Variants in GAB4 observed in about 807,000 individuals in gnomAD.
GAB4 encodes the protein GRB2 associated binding protein family member 4, also known as GRB2-associated-binding protein 4.
In GAB4, 26 loss-of-function variants were observed where a neutral mutation model predicts 51.3. The ratio of observed to expected loss-of-function variants is 0.51; its 90% CI spans 0.37 to 0.70. The LOEUF is 0.70. Ranked by LOEUF, GAB4 falls within the 30% of genes least tolerant of loss-of-function variation. The pLI is 0.00. For missense variants in GAB4, 759 were observed against 734.6 expected (o/e 1.03, Z -0.38); for synonymous variants, 329 against 291.2 (o/e 1.13, Z -1.32).
chr22:16,976,595 T>A (rs1336984391), intron 3 of GAB4, among the ~76,000 whole-genome samples: 1 of 152,124 alleles, frequency 6.6e-6, no homozygotes, highest in Admixed American at 6.5e-5. Context: ...AAAACACTCT[T>A]CAGGATATCA....
intron 3 of GAB4, among the ~76,000 whole-genome samples, chr22:16,975,999 C>T (rs77477331): frequency 1.3e-5 from 2 of 150,856 alleles, no homozygotes; most frequent in Non-Finnish European, 3.0e-5. Flanking sequence ...CAAAAAAAAA[C>T]ATCCACACAA....
At chr22:16,996,066 G>A (rs984097947) in intron 1 of GAB4, among the ~76,000 whole-genome samples, 15 of 151,884 alleles carry the variant, frequency 9.9e-5, no homozygotes, top group African/African-American at 3.6e-4. Context: ...CTTGATAAAT[G>A]GTTACAGGAA....
Position 16,963,818 on chromosome 22 carries a change from A to T in GAB4, c.1488T>A (p.Ser496=). ...TGGTGCCACCGGAAACAGGAAATGC[A>T]GATGCCGGGTTCTGCTGTCACAAGG... ...GERYLFPNPA[S]AFPVSGGTSS... is the part of the protein sequence containing the mutation. Residue 496 remains serine, a synonymous_variant, in exon 9 of 10, where the codon TCT becomes TCA. Transcript: ENST00000400588. 2 of 1,613,742 alleles carry T rather than the reference A, an allele frequency of 1.2e-6. No individual in the cohort carries two copies. The highest frequency in any genetic ancestry group is 2.2e-5 in the South Asian group (2 of 91,086).
At chr22:16,962,936 G>A (rs539472836) in intron 9 of GAB4, 60 bp from the exon 10 acceptor site, 22 of 1,531,552 alleles carry the variant, frequency 1.4e-5, no homozygotes, top group Non-Finnish European at 1.9e-5. Context: ...GTGAGGAAGG[G>A]CAGGCCAAGG....
intron 3 of GAB4, among the ~76,000 whole-genome samples, chr22:16,974,364 TA>T (rs1288028767): frequency 6.6e-6 from 1 of 152,230 alleles, no homozygotes; most frequent in Non-Finnish European, 1.5e-5. Flanking sequence ...AAACACATGT[TA>T]CCCCTGCATA....
At chr22:17,007,744 C>T (rs2123736008) in intron 1 of GAB4, among the ~76,000 whole-genome samples, 197 bp downstream of exon 1, 1 of 152,282 alleles carries the variant, frequency 6.6e-6, no homozygotes, top group South Asian at 2.1e-4. Context: ...GAATCAACTC[C>T]CTGGGTCTCG....
At chr22:17,006,270 G>A (rs961475480) in intron 1 of GAB4, among the ~76,000 whole-genome samples, 1 of 152,152 alleles carries the variant, frequency 6.6e-6, no homozygotes, top group Admixed American at 6.5e-5. Flanking sequence ...ATGAAAAAAT[G>A]CTCATCATCA....
chr22:16,993,100 A>G (rs2060926324), intron 1 of GAB4, among the ~76,000 whole-genome samples: 1 of 152,170 alleles, frequency 6.6e-6, no homozygotes, highest in Non-Finnish European at 1.5e-5. Flanking sequence ...AATTGAATGC[A>G]TTATTACATT....
At chr22:16,992,817 G>A (rs1381589361) in intron 1 of GAB4, among the ~76,000 whole-genome samples, 1 of 152,060 alleles carries the variant, frequency 6.6e-6, no homozygotes, top group Non-Finnish European at 1.5e-5. Context: ...TAATTCCTGA[G>A]CTTAGGTAAT....
intron 1 of GAB4, among the ~76,000 whole-genome samples, chr22:16,997,660 C>A (rs537647373): frequency 1.3e-5 from 2 of 152,200 alleles, no homozygotes; most frequent in Admixed American, 1.3e-4. Flanking sequence ...TCCCATTTGG[C>A]TATTTTGGCT....
intron 2 of GAB4, among the ~76,000 whole-genome samples, chr22:16,991,181 A>G (rs5748785): frequency 0.81 from 122,784 of 151,798 alleles, 50,349 homozygotes; most frequent in African/African-American, 0.95. Context: ...GCCTGGGTCC[A>G]CCACCCAAGA....
Position 16,963,818 on chromosome 22 carries a change from A to G in GAB4, c.1488T>C (p.Ser496=). The stretch of plus-strand genomic sequence containing the variant: ...TGGTGCCACCGGAAACAGGAAATGC[A>G]GATGCCGGGTTCTGCTGTCACAAGG... ...GERYLFPNPA[S]AFPVSGGTSS... is the part of the protein sequence containing the mutation. The change falls in exon 9 of 10, where the codon TCT becomes TCC. Residue 496 remains serine, a synonymous_variant. Coordinates refer to ENST00000400588, the MANE Select transcript of GAB4 (RefSeq NM_001037814.1). 6.2e-7 allele frequency: 1 copy of G among 1,613,742 alleles called. No homozygotes were observed. Among genetic ancestry groups the G allele is most frequent in the Non-Finnish European group, 8.5e-7 (1 of 1,179,820 alleles).
chr22:16,965,198 T>G lies in GAB4; in HGVS notation c.1359A>C (p.Thr453=), dbSNP rs749570556. The G allele has an allele frequency of 6.2e-7, 1 of 1,613,754 alleles. No individual in the cohort carries two copies. The highest frequency in any genetic ancestry group is 8.5e-7 in the Non-Finnish European group (1 of 1,179,746). The change falls in exon 7 of 10, where the codon ACA becomes ACC. Residue 453 remains threonine, a synonymous_variant. Transcript: ENST00000400588. ...INELSFKPPV[T]EPWSGTSHTF... The stretch of plus-strand genomic sequence containing the variant: ...CTCACCTGGTCCCAGACCAGGGCTC[T>G]GTGACAGGTGGCTTGAAGGAGAGCT...
At chr22:16,979,600 A>C (rs2060810360) in intron 3 of GAB4, among the ~76,000 whole-genome samples, 1 of 152,254 alleles carries the variant, frequency 6.6e-6, no homozygotes, top group Non-Finnish European at 1.5e-5. Context: ...TGCCCAAAGA[A>C]ATTTACAAAT....
intron 1 of GAB4, among the ~76,000 whole-genome samples, chr22:16,998,306 C>T (rs2060967168): frequency 1.3e-5 from 2 of 152,272 alleles, no homozygotes; most frequent in South Asian, 4.1e-4. Flanking sequence ...TTGTTTGTGT[C>T]CTCTTTTATT....
chr22:16,966,719 G>A (rs575301975), intron 5 of GAB4: 1 of 238,526 alleles, frequency 4.2e-6, no homozygotes, highest in Non-Finnish European at 8.3e-6. Flanking sequence ...TGCAGAATGG[G>A]GTGTGGGATC....
chr22:16,963,692 G>A lies in GAB4; in HGVS notation c.1581+33C>T, dbSNP rs201303018. On this transcript the variant is annotated intron_variant, in intron 9 of 9. Transcript: ENST00000400588. ...CACAGTCTCTCCCCCAGGGCCCAAG[G>A]GCTCTGCCCAACCCCAGCTCCACCC... 13 of 1,535,528 alleles carry A rather than the reference G, an allele frequency of 8.5e-6. No homozygotes were observed. The East Asian group carries it at 1.4e-4, about 16-fold the overall frequency.
intron 1 of GAB4, among the ~76,000 whole-genome samples, chr22:16,995,582 G>A (rs1257399959): frequency 6.6e-6 from 1 of 152,210 alleles, no homozygotes; most frequent in African/African-American, 2.4e-5. Context: ...CATCTGGCAG[G>A]TGCCCCTCTG....
intron 4 of GAB4, among the ~76,000 whole-genome samples, chr22:16,968,831 C>A (rs1383439182): frequency 1.3e-5 from 2 of 152,148 alleles, no homozygotes; most frequent in African/African-American, 4.8e-5. Flanking sequence ...GCTCAAATTG[C>A]TGAAACACTA....
Sources: allele counts gnomAD v4.1 joint callset (sites outside exome capture counted in the v4.1 genomes callset), GRCh38; gene constraint gnomAD v4.1.1; transcripts MANE v1.5; gene names NCBI Gene and HGNC (gene_info 2026-07-23, HGNC 2026-07-21).